PDE10A: variants seen among roughly 807,000 people sequenced by gnomAD.
The protein encoded by PDE10A is cAMP and cAMP-inhibited cGMP 3',5'-cyclic phosphodiesterase 10A.
In PDE10A, 39 loss-of-function variants were observed where a neutral mutation model predicts 97.7. The observed-to-expected ratio is 0.40, with a 90% CI of 0.31 to 0.52. The LOEUF is 0.52. PDE10A is among the 20% of genes least tolerant of loss of function. PDE10A has a pLI of 0.56. For synonymous variants in PDE10A, 371 were observed against 376.8 expected (o/e 0.98, Z 0.18); for missense variants, 731 against 1,047.8 (o/e 0.70, Z 4.17).
Position 165,332,965 on chromosome 6 carries a change from A to G in PDE10A, c.*60T>C. 8.1e-6 allele frequency: 5 copies of G among 614,328 alleles called. No homozygotes were observed. Among genetic ancestry groups the G allele is most frequent in the South Asian group, 1.4e-5 (1 of 70,160 alleles). The allele number at this position is 614,328 out of a possible 1,614,324, so 38.1% of individuals were successfully genotyped here. A position where few individuals can be genotyped will look rare whatever the true frequency, so the allele number is the denominator to read the frequency against. ...CCACCCCCCCCAAAAAAAGGAAAAG[A>G]ATGTCAAAGAAGCAAGATGAGGATC... On this transcript the variant is annotated 3_prime_UTR_variant, in exon 22 of 22. Transcript: ENST00000539869.
intron 1 of PDE10A, among the ~76,000 whole-genome samples, chr6:165,704,602 C>T (rs754077294): frequency 2.2e-4 from 33 of 151,902 alleles, no homozygotes; most frequent in Non-Finnish European, 4.4e-4. Context: ...AATGTGTTGA[C>T]CATTAAAATG....
intron 1 of PDE10A, among the ~76,000 whole-genome samples, chr6:165,608,902 A>T (rs762376197): frequency 6.6e-6 from 1 of 152,184 alleles, no homozygotes; most frequent in Non-Finnish European, 1.5e-5. Context: ...TGGCTGCATA[A>T]ATGTCTTCTT....
intron 19 of PDE10A, among the ~76,000 whole-genome samples, chr6:165,341,798 A>T (rs575281420): frequency 6.6e-6 from 1 of 152,192 alleles, no homozygotes; most frequent in South Asian, 2.1e-4. Flanking sequence ...ACTAAACACA[A>T]TGAAAACTAT....
chr6:165,909,590 G>T (rs908207630), intron 1 of PDE10A, among the ~76,000 whole-genome samples: 1 of 152,178 alleles, frequency 6.6e-6, no homozygotes, highest in Non-Finnish European at 1.5e-5. Flanking sequence ...GGATGTAACT[G>T]GCTGCCCCAT....
intron 1 of PDE10A, among the ~76,000 whole-genome samples, chr6:165,679,462 C>T (rs1198328411): frequency 6.6e-6 from 1 of 152,190 alleles, no homozygotes; most frequent in Admixed American, 6.5e-5. Flanking sequence ...AATCTGGATT[C>T]TCACCGGCCG....
intron 1 of PDE10A, among the ~76,000 whole-genome samples, chr6:165,804,100 C>T (rs1779051894): frequency 6.6e-6 from 1 of 152,176 alleles, no homozygotes; most frequent in Non-Finnish European, 1.5e-5. Context: ...GGAACCCGTC[C>T]TTAACCAAGA....
At position 165,814,176 on chromosome 6, in the gene PDE10A, G is replaced by A. The variant is rs1158013107; in HGVS notation, c.-615+173353C>T. On this transcript the variant is annotated intron_variant, in intron 1 of 19. Transcript: ENST00000366882. ...AACACATGGGGCCAGGAGGGTTCTG[G>A]ATATGGGACTGTGGACCTGCAGGTG... Among the ~76,000 whole-genome samples the A allele has an allele frequency of 6.6e-5, 10 of 152,336 alleles. No individual in the cohort carries two copies. The East Asian group carries it at 1.9e-3, about 29-fold the overall frequency.
chr6:165,962,259 G>A (rs1299052839), intron 1 of PDE10A, among the ~76,000 whole-genome samples: 2 of 152,202 alleles, frequency 1.3e-5, no homozygotes, highest in South Asian at 2.1e-4. Flanking sequence ...GACCTCAGGG[G>A]CCCCACTACA....
intron 1 of PDE10A, among the ~76,000 whole-genome samples, chr6:165,953,366 G>A (rs1369131339): frequency 6.6e-6 from 1 of 152,148 alleles, no homozygotes; most frequent in Admixed American, 6.5e-5. Context: ...CGAGGCGGGC[G>A]AATCACCTGA....
rs1224644296 is a variant in PDE10A, at chr6:165,329,934, T to C, written c.*3091A>G. The C allele has an allele frequency of 6.6e-6, 1 of 152,198 alleles. No homozygotes were observed. The highest frequency in any genetic ancestry group is 2.4e-5 in the African/African-American group (1 of 41,464). 9.4% of individuals were successfully genotyped at this position (152,198 alleles called of 1,614,324 possible). On this transcript the variant is annotated 3_prime_UTR_variant, in exon 22 of 22. Transcript: ENST00000539869. ...TGGACCAGAGTCTCTGCCCTATTAATAGGGCTATTTTTTAGAATTAGTTTC... is the reference window on the plus strand; with the variant it reads ...TGGACCAGAGTCTCTGCCCTATTAACAGGGCTATTTTTTAGAATTAGTTTC...
At chr6:165,463,889 T>C (rs1778478104) in intron 3 of PDE10A, among the ~76,000 whole-genome samples, 1 of 152,250 alleles carries the variant, frequency 6.6e-6, no homozygotes, top group African/African-American at 2.4e-5. Flanking sequence ...ATCTGTGCCT[T>C]AAGGACATGC....
chr6:165,841,281 G>A (rs1422133533), intron 1 of PDE10A, among the ~76,000 whole-genome samples: 1 of 152,214 alleles, frequency 6.6e-6, no homozygotes. Flanking sequence ...ACCTTCTCCT[G>A]CTGGGTACCC....
intron 2 of PDE10A, among the ~76,000 whole-genome samples, chr6:165,527,159 G>A (rs919908496): frequency 3.3e-5 from 5 of 152,214 alleles, no homozygotes; most frequent in Non-Finnish European, 5.9e-5. Flanking sequence ...TGAAGAATAA[G>A]TTGCTGCATT....
intron 1 of PDE10A, among the ~76,000 whole-genome samples, chr6:165,883,721 G>T (rs1781552364): frequency 6.6e-6 from 1 of 152,040 alleles, no homozygotes; most frequent in African/African-American, 2.4e-5. Context: ...CCCCACTGAG[G>T]TGCTGTGAGC....
intron 1 of PDE10A, among the ~76,000 whole-genome samples, chr6:165,948,066 T>TATACATATATGTACATATATATACAC (rs1431875226): frequency 1.3e-4 from 20 of 151,670 alleles, no homozygotes; most frequent in South Asian, 6.2e-4. Context: ...ATCATATACA[T>TATACATATATGTACATATATATACAC]ATACATATAT....
At chr6:165,710,447 A>T (rs984856415) in intron 1 of PDE10A, among the ~76,000 whole-genome samples, 1 of 152,202 alleles carries the variant, frequency 6.6e-6, no homozygotes, top group African/African-American at 2.4e-5. Flanking sequence ...GACAACTAAG[A>T]TGTTACGATG....
intron 1 of PDE10A, among the ~76,000 whole-genome samples, chr6:165,674,533 C>A (rs2128437545): frequency 6.6e-6 from 1 of 152,248 alleles, no homozygotes; most frequent in South Asian, 2.1e-4. Context: ...TGGCTTAGAG[C>A]AAATGCCCGC....
At chr6:165,631,386 A>G (rs1042358529) in intron 1 of PDE10A, among the ~76,000 whole-genome samples, 1 of 152,232 alleles carries the variant, frequency 6.6e-6, no homozygotes, top group African/African-American at 2.4e-5. Context: ...AAGTAACTGA[A>G]GTTGCTAGGT....
At chr6:165,494,519 T>C (rs1460232618) in intron 2 of PDE10A, among the ~76,000 whole-genome samples, 1 of 138,714 alleles carries the variant, frequency 7.2e-6, no homozygotes, top group Non-Finnish European at 1.5e-5. Flanking sequence ...GGTGTGTGCA[T>C]ATATATATAT....
Sources: allele counts gnomAD v4.1 joint callset (sites outside exome capture counted in the v4.1 genomes callset), GRCh38; gene constraint gnomAD v4.1.1; transcripts MANE v1.5; gene names NCBI Gene and HGNC (gene_info 2026-07-23, HGNC 2026-07-21).